The following ANK3 variants were observed in gnomAD, a reference collection of about 807,000 sequenced individuals.
ANK3 encodes ankyrin-3.
A neutral mutation model predicts 370.9 loss-of-function variants in ANK3; 57 were observed. The ratio of observed to expected loss-of-function variants is 0.15; its 90% confidence interval spans 0.12 to 0.19. The LOEUF (loss-of-function observed/expected upper bound fraction) is 0.19. Ranked by LOEUF, ANK3 falls within the 10% of genes least tolerant of loss-of-function variation. The pLI, the probability that ANK3 is intolerant of heterozygous loss-of-function variation, is 1.00. For synonymous variants in ANK3, 1,929 were observed against 1,946.3 expected, an observed-to-expected ratio of 0.99 and a Z score of 0.23; for missense variants, 4,439 against 5,302.1, an observed-to-expected ratio of 0.84 and a Z score of 5.06.
In ANK3 at chr10:60,137,333, T is replaced by C. The variant is rs1379507751; in HGVS notation, c.2738+1631A>G. 2.1e-5 allele frequency: 7 copies of C among 336,428 alleles called. No individual in the cohort carries two copies. In the East Asian group the frequency reaches 4.6e-4, roughly 22 times the overall value. The allele number at this position is 336,428 out of a possible 1,614,324, so 20.8% of individuals were successfully genotyped here. ...AGAGAAACACTATAAAAGTGCCATG[T>C]CTTCTTACCTTATCTTGGGACTATT... is the stretch of plus-strand genomic sequence containing the variant. On this transcript the variant is annotated intron_variant, in intron 24 of 43. Transcript: ENST00000280772.
At chr10:60,467,159 A>C (rs946516427) in intron 2 of ANK3, among the ~76,000 whole-genome samples, 1 of 152,190 alleles carries the variant, frequency 6.6e-6, no homozygotes, top group African/African-American at 2.4e-5. Context: ...CAAGATTAAA[A>C]ATTTATTGGC....
chr10:60,045,971 A>G (rs1001724983), intron 42 of ANK3, among the ~76,000 whole-genome samples: 1 of 151,486 alleles, frequency 6.6e-6, no homozygotes, highest in African/African-American at 2.4e-5. Context: ...TTGTGGGTGC[A>G]TAGTTCATGA....
intron 1 of ANK3, among the ~76,000 whole-genome samples, chr10:60,311,935 T>C (rs2046437642): frequency 6.6e-6 from 1 of 152,206 alleles, no homozygotes; most frequent in Non-Finnish European, 1.5e-5. Context: ...CATAGTTTGT[T>C]TCCTACTTGC....
At chr10:60,403,790 G>T (rs2063399290) in intron 2 of ANK3, among the ~76,000 whole-genome samples, 1 of 152,176 alleles carries the variant, frequency 6.6e-6, no homozygotes, top group African/African-American at 2.4e-5. Context: ...CACAAGATTG[G>T]AGAGGAAGAG....
At chr10:60,501,992 G>T (rs1657879296) in intron 2 of ANK3, among the ~76,000 whole-genome samples, 1 of 151,972 alleles carries the variant, frequency 6.6e-6, no homozygotes, top group Non-Finnish European at 1.5e-5. Flanking sequence ...TGTCCATTAT[G>T]CAGGGAAAAA....
At position 60,327,530 on chromosome 10, in the gene ANK3, G is replaced by T. The variant is rs1593833772; in HGVS notation, c.115-47891C>A. ...CGCAGTAAAACTGTCTTCTAGATCT[G>T]GAGTCCCTCCCTGTCCTCTTAAATG... On this transcript the variant is annotated intron_variant, in intron 1 of 43. Coordinates refer to ENST00000280772, the MANE Select transcript of ANK3 (RefSeq NM_020987.5). Among the ~76,000 whole-genome samples the T allele has an allele frequency of 2.0e-5, 3 of 152,238 alleles. No individual in the cohort carries two copies. The East Asian group carries it at 5.8e-4, about 29-fold the overall frequency.
chr10:60,304,636 C>T (rs2132818642), intron 1 of ANK3, among the ~76,000 whole-genome samples: 1 of 152,026 alleles, frequency 6.6e-6, no homozygotes, highest in Middle Eastern at 3.4e-3. Flanking sequence ...GAGTGAGGCT[C>T]TGTCTCGAAA....
chr10:60,482,083 C>T (rs1285435662), intron 2 of ANK3, among the ~76,000 whole-genome samples: 2 of 152,122 alleles, frequency 1.3e-5, no homozygotes, highest in African/African-American at 4.8e-5. Flanking sequence ...TCCCACTCCC[C>T]ATATTGTTCC....
chr10:60,307,597 C>T (rs1458932004), intron 1 of ANK3, among the ~76,000 whole-genome samples: 2 of 152,024 alleles, frequency 1.3e-5, no homozygotes, highest in Non-Finnish European at 2.9e-5. Context: ...GCCTTGGCCT[C>T]CCAAAGTGCT....
intron 38 of ANK3, among the ~76,000 whole-genome samples, chr10:60,065,463 G>C (rs1425632564): frequency 6.6e-6 from 1 of 152,136 alleles, no homozygotes; most frequent in Non-Finnish European, 1.5e-5. Flanking sequence ...AATACTTCCA[G>C]CAATTTTGCA....
rs1250199350 is a variant in ANK3, at chr10:60,071,722, C to T, written c.9159G>A (p.Glu3053=). 1.3e-6 allele frequency: 2 copies of T among 1,597,960 alleles called. No homozygotes were observed. Among genetic ancestry groups the T allele is most frequent in the Non-Finnish European group, 1.7e-6 (2 of 1,174,182 alleles). Residue 3053 remains glutamate (E), a synonymous_variant, in exon 37 of 44, where the codon GAG becomes GAA. Transcript: ENST00000280772. The stretch of plus-strand genomic sequence containing the variant: ...AGGGAGATTCCTTTCCTGGGCTAAA[C>T]TCTAAAGAATCAGGAGATTTGGTGG... ...TSPTKSPDSL[E]FSPGKESPSS...
chr10:60,505,569 A>T (rs145572413), intron 2 of ANK3, among the ~76,000 whole-genome samples: 2,070 of 152,224 alleles, frequency 0.014, 25 homozygotes, highest in Non-Finnish European at 0.02. Context: ...TTCCTGATCA[A>T]GATTCTGAAT....
intron 2 of ANK3, among the ~76,000 whole-genome samples, chr10:60,443,945 C>G (rs182391022): frequency 6.6e-6 from 1 of 152,228 alleles, no homozygotes; most frequent in Admixed American, 6.5e-5. Flanking sequence ...CTACTCAAAC[C>G]TACATTTACC....
At chr10:60,406,697 A>T (rs2063463495) in intron 2 of ANK3, among the ~76,000 whole-genome samples, 1 of 152,196 alleles carries the variant, frequency 6.6e-6, no homozygotes, top group African/African-American at 2.4e-5. Context: ...CTCATTAAAG[A>T]TTATCAATAA....
Position 60,184,832 on chromosome 10 carries a change from A to G in ANK3, c.2085+1883T>C, listed in dbSNP as rs142455834. 1.9e-3 allele frequency among the ~76,000 whole-genome samples: 294 copies of G among 152,346 alleles called. 3 individuals are homozygous for G. Among genetic ancestry groups the G allele is most frequent in the African/African-American group, 6.8e-3 (284 of 41,588 alleles). ...GTATCAAACCTACTGGAAATATTCA[A>G]TTTAAACCAATTGTGAAAGTACTAC... On this transcript the variant is annotated intron_variant, in intron 17 of 43. Coordinates refer to ENST00000280772, the MANE Select transcript of ANK3 (RefSeq NM_020987.5).
At chr10:60,662,382 C>A (rs2078946048) in intron 1 of ANK3, among the ~76,000 whole-genome samples, 1 of 152,044 alleles carries the variant, frequency 6.6e-6, no homozygotes, top group African/African-American at 2.4e-5. Context: ...TATATGAATT[C>A]AACTAATACT....
At chr10:60,660,946 TAA>T (rs2078928613) in intron 1 of ANK3, among the ~76,000 whole-genome samples, 2 of 146,616 alleles carry the variant, frequency 1.4e-5, no homozygotes, top group Non-Finnish European at 3.0e-5. Context: ...CCCACATCTA[TAA>T]GACATAACAC....
chr10:60,496,576 C>G (rs1460697176), intron 2 of ANK3, among the ~76,000 whole-genome samples: 1 of 150,654 alleles, frequency 6.6e-6, no homozygotes, highest in Non-Finnish European at 1.5e-5. Flanking sequence ...AAAACAACTT[C>G]AAGAAGAAAA....
chr10:60,451,110 C>A lies in ANK3; in HGVS notation c.96+164076G>T, dbSNP rs10994356. Among the ~76,000 whole-genome samples, 979 of 152,230 alleles carry A rather than the reference C, an allele frequency of 6.4e-3. 12 individuals are homozygous for A. The highest frequency in any genetic ancestry group is 0.023 in the African/African-American group (949 of 41,548). The stretch of plus-strand genomic sequence containing the variant: ...CACGGGAGGAAGGTGAAGGCAGAGA[C>A]TGGAGTGATGCATCTGCAAGCCAAG... On this transcript the variant is annotated intron_variant, in intron 2 of 43. Transcript: ENST00000373827.
Sources: allele counts gnomAD v4.1 joint callset (sites outside exome capture counted in the v4.1 genomes callset), GRCh38; gene constraint gnomAD v4.1.1; transcripts MANE v1.5; gene names NCBI Gene and HGNC (gene_info 2026-07-23, HGNC 2026-07-21).